Variants in EPB41L2 observed in about 807,000 individuals in gnomAD.
EPB41L2 encodes the protein band 4.1-like protein 2.
Under a neutral mutation model 113.0 loss-of-function variants are expected in EPB41L2, and 43 were observed. That is an observed-to-expected ratio of 0.38 (90% CI 0.30 to 0.49). The LOEUF (loss-of-function observed/expected upper bound fraction) is 0.49, where lower values mean the gene tolerates loss of function less well. Among genes scored for constraint, EPB41L2 ranks in the 20% least tolerant of loss-of-function variants. EPB41L2 has a pLI of 0.95. For missense variants in EPB41L2, 1,147 were observed against 1,223.4 expected (o/e 0.94, Z 0.93); for synonymous variants, 442 against 436.7 (o/e 1.01, Z -0.15).
At chr6:130,931,222 T>C (rs1806718922) in intron 3 of EPB41L2, among the ~76,000 whole-genome samples, 1 of 152,142 alleles carries the variant, frequency 6.6e-6, no homozygotes, top group Non-Finnish European at 1.5e-5. Context: ...GCAAAATTAA[T>C]AAAATTTATT....
At chr6:130,964,086 A>G (rs574163333) in intron 1 of EPB41L2, among the ~76,000 whole-genome samples, 18 of 151,578 alleles carry the variant, frequency 1.2e-4, no homozygotes, top group African/African-American at 3.4e-4. Context: ...CCATGGCATG[A>G]TATCAGCTCA....
chr6:131,005,969 GA>G (rs898701083), intron 1 of EPB41L2, among the ~76,000 whole-genome samples: 32 of 151,542 alleles, frequency 2.1e-4, no homozygotes, highest in African/African-American at 7.3e-4. Context: ...GCCTCAGCCA[GA>G]AAAAAAAGGT....
chr6:130,989,817 T>C (rs554620668), intron 1 of EPB41L2, among the ~76,000 whole-genome samples: 2 of 152,264 alleles, frequency 1.3e-5, no homozygotes, highest in South Asian at 4.2e-4. Flanking sequence ...TCAAGAAATA[T>C]TCAGTTAGTA....
At chr6:131,023,708 TGTGTGC>T (rs1184359008) in intron 1 of EPB41L2, among the ~76,000 whole-genome samples, 4 of 123,514 alleles carry the variant, frequency 3.2e-5, no homozygotes, top group African/African-American at 1.2e-4. Context: ...GAAAAAAAAA[TGTGTGC>T]GTGTGTGTGT....
At chr6:130,975,464 G>A (rs886215933) in intron 1 of EPB41L2, among the ~76,000 whole-genome samples, 3 of 152,180 alleles carry the variant, frequency 2.0e-5, no homozygotes, top group Non-Finnish European at 4.4e-5. Context: ...GACAAAGAAT[G>A]AGTAAGATAC....
chr6:130,988,039 C>T (rs1039301265), intron 1 of EPB41L2, among the ~76,000 whole-genome samples: 3 of 151,856 alleles, frequency 2.0e-5, no homozygotes, highest in African/African-American at 7.3e-5. Flanking sequence ...TTGCTTGCAC[C>T]CAGGAGGTGG....
At chr6:131,023,142 A>G (rs1789899304) in intron 1 of EPB41L2, among the ~76,000 whole-genome samples, 1 of 152,274 alleles carries the variant, frequency 6.6e-6, no homozygotes, top group Admixed American at 6.5e-5. Context: ...TTCATAAAAT[A>G]ATGCAAAGTA....
chr6:130,985,780 A>G (rs1051251058), intron 1 of EPB41L2, among the ~76,000 whole-genome samples: 1 of 152,176 alleles, frequency 6.6e-6, no homozygotes, highest in African/African-American at 2.4e-5. Context: ...GGGCTAAAGA[A>G]TATAGGTGAG....
At chr6:130,963,843 A>T (rs964186435) in intron 1 of EPB41L2, among the ~76,000 whole-genome samples, 11 of 152,162 alleles carry the variant, frequency 7.2e-5, no homozygotes, top group African/African-American at 2.7e-4. Context: ...CCAACAACAC[A>T]CACTAGCAGA....
At chr6:130,891,097 C>T (rs1792678546) in intron 10 of EPB41L2, among the ~76,000 whole-genome samples, 1 of 152,214 alleles carries the variant, frequency 6.6e-6, no homozygotes, top group African/African-American at 2.4e-5. Flanking sequence ...GGGAGTTCAA[C>T]TGAAATTATT....
intron 3 of EPB41L2, among the ~76,000 whole-genome samples, chr6:130,947,436 T>C (rs1371150280): frequency 1.3e-5 from 2 of 152,178 alleles, no homozygotes; most frequent in Admixed American, 1.3e-4. Context: ...TGAAGAGCCA[T>C]AAAGAAATAC....
At chr6:130,861,669 C>T (rs1381441725) in intron 18 of EPB41L2, among the ~76,000 whole-genome samples, 3 of 151,870 alleles carry the variant, frequency 2.0e-5, no homozygotes, top group East Asian at 1.9e-4. Flanking sequence ...GTCAGGAGTT[C>T]GAGACCAGCC....
intron 10 of EPB41L2, among the ~76,000 whole-genome samples, chr6:130,890,682 T>G (rs73617106): frequency 0.016 from 2,511 of 152,302 alleles, 78 homozygotes; most frequent in African/African-American, 0.056. Context: ...CATGTATTCA[T>G]GAATAATGTT....
In EPB41L2 at chr6:130,900,985, C is replaced by T. The variant is rs763836772; in HGVS notation, c.1125G>A (p.Val375=). The T allele has an allele frequency of 6.2e-6, 10 of 1,614,156 alleles. No homozygotes were observed. Among genetic ancestry groups the T allele is most frequent in the Non-Finnish European group, 7.6e-6 (9 of 1,180,008 alleles). The change falls in exon 7 of 20, where the codon GTG becomes GTA. Residue 375 remains valine, a synonymous_variant. Transcript: ENST00000337057. ...ACCTGTGGGTTTTGTGCAGCTCTGC[C>T]ACCTTCTCTTCCAGCTCCTTAGTCT... ...PTQTKELEEK[V]AELHKTHRGL... is the part of the protein sequence containing the mutation.
intron 1 of EPB41L2, among the ~76,000 whole-genome samples, chr6:130,967,086 A>G (rs562631041): frequency 6.6e-6 from 1 of 152,270 alleles, no homozygotes; most frequent in East Asian, 1.9e-4. Flanking sequence ...TCATTTAAAA[A>G]AATACAGTTG....
chr6:131,049,550 A>T (rs1026021525), intron 1 of EPB41L2, among the ~76,000 whole-genome samples: 1 of 152,254 alleles, frequency 6.6e-6, no homozygotes, highest in Admixed American at 6.5e-5. Flanking sequence ...AGAGTCTAGA[A>T]GCAACTAAAC....
Position 130,891,962 on chromosome 6 carries a change from G to C in EPB41L2, c.1488-1496C>G, listed in dbSNP as rs553885678. ...ATAGACAAAGTATGACTGGCCCTTT[G>C]TGTTAGATATATTCTTTTATATAGC... is the stretch of plus-strand genomic sequence containing the variant. On this transcript the variant is annotated intron_variant, in intron 10 of 19. Transcript: ENST00000337057. Among the ~76,000 whole-genome samples, 5 of 152,290 alleles carry C rather than the reference G, an allele frequency of 3.3e-5. No individual in the cohort carries two copies. In the East Asian group the frequency reaches 9.6e-4, roughly 29 times the overall value.
intron 11 of EPB41L2, among the ~76,000 whole-genome samples, chr6:130,887,427 G>A (rs565038268): frequency 2.0e-5 from 3 of 152,062 alleles, no homozygotes; most frequent in African/African-American, 4.8e-5. Context: ...AAAAGATAAC[G>A]CTGTGCTCTT....
chr6:130,947,270 C>T (rs1813258866), intron 3 of EPB41L2, among the ~76,000 whole-genome samples: 1 of 152,162 alleles, frequency 6.6e-6, no homozygotes, highest in African/African-American at 2.4e-5. Flanking sequence ...ACTTCCTGCA[C>T]AGCCCATGCT....
Sources: allele counts gnomAD v4.1 joint callset (sites outside exome capture counted in the v4.1 genomes callset), GRCh38; gene constraint gnomAD v4.1.1; transcripts MANE v1.5; gene names NCBI Gene and HGNC (gene_info 2026-07-23, HGNC 2026-07-21).